CNTNAP2: variants seen among roughly 807,000 people sequenced by gnomAD.
CNTNAP2 encodes contactin associated protein 2.
In CNTNAP2, 98 loss-of-function variants were observed where a neutral mutation model predicts 155.2. The ratio of observed to expected loss-of-function variants is 0.63; its 90% CI spans 0.54 to 0.75. The LOEUF is 0.75. Among genes scored for constraint, CNTNAP2 ranks in the 30% least tolerant of loss-of-function variants. The pLI, the probability that CNTNAP2 is intolerant of heterozygous loss-of-function variation, is 0.00. For missense variants in CNTNAP2, 1,727 were observed against 1,688.1 expected (o/e 1.02, Z -0.40); for synonymous variants, 651 against 631.2 (o/e 1.03, Z -0.47).
intron 3 of CNTNAP2, among the ~76,000 whole-genome samples, chr7:146,879,090 T>A (rs577297196): frequency 6.6e-6 from 1 of 152,166 alleles, no homozygotes. Context: ...GAATGAAATA[T>A]AATGGAAAGC....
At chr7:146,507,752 T>C (rs937174883) in intron 1 of CNTNAP2, among the ~76,000 whole-genome samples, 2 of 152,224 alleles carry the variant, frequency 1.3e-5, no homozygotes, top group Non-Finnish European at 2.9e-5. Context: ...CCGCTATTTC[T>C]AAATCTGCAA....
At chr7:147,974,876 T>G (rs1265964051) in intron 14 of CNTNAP2, among the ~76,000 whole-genome samples, 2 of 151,932 alleles carry the variant, frequency 1.3e-5, no homozygotes, top group Non-Finnish European at 2.9e-5. Context: ...TCATAGCAGC[T>G]TTATTCATAA....
intron 13 of CNTNAP2, among the ~76,000 whole-genome samples, chr7:147,739,731 T>G (rs1279935165): frequency 1.3e-5 from 2 of 152,124 alleles, no homozygotes; most frequent in Non-Finnish European, 2.9e-5. Flanking sequence ...ACAGTAAAAG[T>G]CTATGCTGGC....
rs753372421 is a variant in CNTNAP2 at position 147,544,774 on chromosome 7, CGTG to C, written c.1778-17361_1778-17359del. Among the ~76,000 whole-genome samples, 99 of 152,130 alleles carry C rather than the reference CGTG, an allele frequency of 6.5e-4. 1 individual carries two copies. The highest frequency in any genetic ancestry group is 1.2e-3 in the Non-Finnish European group (82 of 68,004). On this transcript the variant is annotated intron_variant, in intron 11 of 23. Coordinates refer to ENST00000361727, the MANE Select transcript of CNTNAP2 (RefSeq NM_014141.6). ...GGGGGCAGTTCCCCCATACTGTTCT[CGTG>C]GTAGTGAATAAGTCTCACGAGATCT...
chr7:146,958,058 C>A (rs1437078578), intron 3 of CNTNAP2, among the ~76,000 whole-genome samples: 1 of 152,090 alleles, frequency 6.6e-6, no homozygotes. Flanking sequence ...TTGAAATTGT[C>A]TATTCATTTG....
In CNTNAP2 at chr7:147,309,411, T is replaced by C. The variant is rs184345690; in HGVS notation, c.1498+9121T>C. ...ATTTCTGTAAGTTGTTAATGGTTAA[T>C]TTAATTTGGCTTGGCTAATATTATA... On this transcript the variant is annotated intron_variant, in intron 9 of 23. Transcript: ENST00000361727. Among the ~76,000 whole-genome samples, 37 of 152,356 alleles carry C rather than the reference T, an allele frequency of 2.4e-4. 1 individual carries two copies. In the East Asian group the frequency reaches 6.5e-3, roughly 27 times the overall value.
chr7:146,428,034 C>T (rs528259805), intron 1 of CNTNAP2, among the ~76,000 whole-genome samples: 5 of 152,218 alleles, frequency 3.3e-5, no homozygotes, highest in East Asian at 1.9e-4. Flanking sequence ...AGGATAATGG[C>T]CCCCAGCTCC....
At chr7:147,894,073 C>G (rs1222013753) in intron 13 of CNTNAP2, 1 of 152,216 alleles carries the variant, frequency 6.6e-6, no homozygotes, top group Non-Finnish European at 1.5e-5. Flanking sequence ...AATTCCTTCT[C>G]TGCTCCATCC....
At chr7:146,388,737 T>C (rs1795497448) in intron 1 of CNTNAP2, among the ~76,000 whole-genome samples, 1 of 152,174 alleles carries the variant, frequency 6.6e-6, no homozygotes, top group Admixed American at 6.5e-5. Context: ...CTGTTAACCA[T>C]CTCTAACTCC....
chr7:146,140,183 C>G (rs1474008772), intron 1 of CNTNAP2, among the ~76,000 whole-genome samples: 1 of 152,224 alleles, frequency 6.6e-6, no homozygotes, highest in South Asian at 2.1e-4. Context: ...TTCCATTCAA[C>G]AATTCACTAC....
In CNTNAP2 at chr7:147,951,648, T is replaced by C. The variant is rs1001798080; in HGVS notation, c.2256-26214T>C. 4.6e-5 allele frequency among the ~76,000 whole-genome samples: 7 copies of C among 151,938 alleles called. No individual in the cohort carries two copies. The East Asian group carries it at 1.4e-3, about 29-fold the overall frequency. On this transcript the variant is annotated intron_variant, in intron 14 of 23. Coordinates refer to ENST00000361727, the MANE Select transcript of CNTNAP2 (RefSeq NM_014141.6). ...CAGTTCATAAAGTCAGAGCTAGACC[T>C]TGGGTGGGGGGAAGAGCAATTCAAA... is the stretch of plus-strand genomic sequence containing the variant.
At chr7:148,059,803 A>G (rs944802898) in intron 15 of CNTNAP2, among the ~76,000 whole-genome samples, 7 of 150,440 alleles carry the variant, frequency 4.7e-5, no homozygotes, top group African/African-American at 1.7e-4. Flanking sequence ...AATACATATA[A>G]CTTGATACAA....
At chr7:147,008,438 G>T (rs1361732657) in intron 3 of CNTNAP2, among the ~76,000 whole-genome samples, 1 of 152,002 alleles carries the variant, frequency 6.6e-6, no homozygotes, top group African/African-American at 2.4e-5. Flanking sequence ...TTTGCTTCAA[G>T]AAATTATAAT....
At chr7:147,451,788 T>C (rs1797838558) in intron 10 of CNTNAP2, among the ~76,000 whole-genome samples, 2 of 150,860 alleles carry the variant, frequency 1.3e-5, no homozygotes. Flanking sequence ...AAAACTCACA[T>C]TGAAATTTAA....
intron 15 of CNTNAP2, among the ~76,000 whole-genome samples, chr7:148,006,608 C>T (rs1414619619): frequency 1.4e-5 from 2 of 147,660 alleles, no homozygotes; most frequent in African/African-American, 5.0e-5. Context: ...CATAAGCCAC[C>T]GTGCCCGGCC....
At chr7:146,367,049 C>T (rs1431392560) in intron 1 of CNTNAP2, among the ~76,000 whole-genome samples, 1 of 152,090 alleles carries the variant, frequency 6.6e-6, no homozygotes, top group Non-Finnish European at 1.5e-5. Context: ...AGTTAAACTC[C>T]AGCATTGTAT....
At chr7:147,490,954 G>A (rs190524746) in intron 11 of CNTNAP2, among the ~76,000 whole-genome samples, 8 of 152,186 alleles carry the variant, frequency 5.3e-5, no homozygotes, top group African/African-American at 1.9e-4. Flanking sequence ...CTCACCCGCT[G>A]TCATGAGAAT....
intron 14 of CNTNAP2, among the ~76,000 whole-genome samples, chr7:147,919,459 C>T (rs6972031): frequency 1.4e-4 from 7 of 51,222 alleles, no homozygotes; most frequent in Admixed American, 3.0e-4. Flanking sequence ...CTTTTTCTTT[C>T]TTTTTTTTTT....
Position 146,613,397 on chromosome 7 carries a change from A to G in CNTNAP2, c.98-160874A>G, listed in dbSNP as rs529380733. Among the ~76,000 whole-genome samples, 8 of 152,260 alleles carry G rather than the reference A, an allele frequency of 5.3e-5. No individual in the cohort carries two copies. The South Asian group carries it at 1.7e-3, about 32-fold the overall frequency. ...TCATGATTTATTCATCATACATAACATTTTGTTCATTTGACTTTCATGGTG... is the reference window on the plus strand; with the variant it reads ...TCATGATTTATTCATCATACATAACGTTTTGTTCATTTGACTTTCATGGTG... On this transcript the variant is annotated intron_variant, in intron 1 of 23. Transcript: ENST00000361727.
Sources: allele counts gnomAD v4.1 joint callset (sites outside exome capture counted in the v4.1 genomes callset), GRCh38; gene constraint gnomAD v4.1.1; transcripts MANE v1.5; gene names NCBI Gene and HGNC (gene_info 2026-07-23, HGNC 2026-07-21).